The following KCNQ5 variants were observed in gnomAD, a reference collection of about 807,000 sequenced individuals.
KCNQ5 encodes potassium voltage-gated channel subfamily KQT member 5.
Under a neutral mutation model 98.2 loss-of-function variants are expected in KCNQ5, and 30 were observed. The observed-to-expected ratio is 0.31, with a 90% CI of 0.23 to 0.41. KCNQ5 has a LOEUF of 0.41. KCNQ5 is among the 10% of genes least tolerant of loss of function. KCNQ5 has a pLI of 1.00. For synonymous variants in KCNQ5, 458 were observed against 449.4 expected (o/e 1.02, Z -0.24); for missense variants, 835 against 1,182.5 (o/e 0.71, Z 4.31).
chr6:72,708,986 T>C (rs1326802611), intron 1 of KCNQ5, among the ~76,000 whole-genome samples: 3 of 152,140 alleles, frequency 2.0e-5, no homozygotes, highest in African/African-American at 7.2e-5. Context: ...AAATATGATA[T>C]ATATAGTTTT....
intron 1 of KCNQ5, among the ~76,000 whole-genome samples, chr6:72,736,522 C>T (rs1438674798): frequency 4.6e-5 from 3 of 64,618 alleles, no homozygotes; most frequent in East Asian, 7.9e-4. Context: ...TTTTTTGAGA[C>T]GGAGTCTCGC....
At position 73,195,067 on chromosome 6, in the gene KCNQ5, G is replaced by A. The variant is rs929521254; in HGVS notation, c.2452G>A (p.Val818Ile). The change falls in exon 14 of 14, where the codon GTC (valine) becomes ATC (isoleucine). Residue 818 changes from valine (V) to isoleucine (I), a missense_variant. This residue lies in a region of KCNQ5 where 416 missense variants were observed against 446.9 expected (regional missense o/e 0.93). Coordinates refer to ENST00000370398, the MANE Select transcript of KCNQ5 (RefSeq NM_019842.4). ...CATGGGAGGAGAAACTCTGTTGTCTGTCTGTCCCATGGTGCCGAAGGACTT... is the reference window on the plus strand; with the variant it reads ...CATGGGAGGAGAAACTCTGTTGTCTATCTGTCCCATGGTGCCGAAGGACTT... Reference protein sequence around the residue: ...FDMGGETLLSVCPMVPKDLGK... With the variant: ...FDMGGETLLSICPMVPKDLGK... 4 of 1,614,100 alleles carry A rather than the reference G, an allele frequency of 2.5e-6. No individual in the cohort carries two copies. The highest frequency in any genetic ancestry group is 3.4e-6 in the Non-Finnish European group (4 of 1,180,050).
At position 73,085,186 on chromosome 6, in the gene KCNQ5, T is replaced by A. The variant is rs1773932132; in HGVS notation, c.918+7299T>A. On this transcript the variant is annotated intron_variant, in intron 5 of 13. Transcript: ENST00000370398. The stretch of plus-strand genomic sequence containing the variant: ...GCCAGATCAAGCAGATGGGTCAGGG[T>A]GAATACCTGGAAAAAATTAACATCT... Among the ~76,000 whole-genome samples, 3 of 152,100 alleles carry A rather than the reference T, an allele frequency of 2.0e-5. No individual in the cohort carries two copies. The South Asian group carries it at 6.2e-4, about 32-fold the overall frequency.
At chr6:72,985,409 T>C (rs1315132545) in intron 1 of KCNQ5, among the ~76,000 whole-genome samples, 1 of 152,180 alleles carries the variant, frequency 6.6e-6, no homozygotes, top group Non-Finnish European at 1.5e-5. Context: ...GAAAACCAGA[T>C]AAACCACAAC....
At chr6:73,059,832 T>C (rs1772700631) in intron 3 of KCNQ5, among the ~76,000 whole-genome samples, 1 of 152,150 alleles carries the variant, frequency 6.6e-6, no homozygotes, top group African/African-American at 2.4e-5. Context: ...TATGTTTACA[T>C]AGATGAAGTA....
intron 1 of KCNQ5, among the ~76,000 whole-genome samples, chr6:72,917,146 T>A (rs1052584904): frequency 1.3e-5 from 2 of 151,946 alleles, no homozygotes; most frequent in Admixed American, 6.5e-5. Context: ...CAGGGAGGAG[T>A]TAGGGAGCAG....
intron 3 of KCNQ5, among the ~76,000 whole-genome samples, chr6:73,073,860 C>T (rs1201765784): frequency 2.0e-5 from 3 of 152,124 alleles, no homozygotes; most frequent in Non-Finnish European, 2.9e-5. Flanking sequence ...TTAAGCTACT[C>T]CCCCAATTTA....
At chr6:72,907,372 C>G (rs1779744379) in intron 1 of KCNQ5, among the ~76,000 whole-genome samples, 1 of 151,996 alleles carries the variant, frequency 6.6e-6, no homozygotes, top group Non-Finnish European at 1.5e-5. Flanking sequence ...TATAACTAAT[C>G]ATTTATATTT....
At chr6:73,145,361 A>C (rs1582440452) in intron 10 of KCNQ5, among the ~76,000 whole-genome samples, 1 of 152,220 alleles carries the variant, frequency 6.6e-6, no homozygotes, top group East Asian at 1.9e-4. Flanking sequence ...TCTAAGTTCA[A>C]AGCTTTTTAT....
At chr6:72,986,621 C>A in intron 1 of KCNQ5, 1 of 682,802 alleles carries the variant, frequency 1.5e-6, no homozygotes. Context: ...CACCACGCTG[C>A]GTGCCAGACG....
chr6:73,195,465 T>C lies in KCNQ5; in HGVS notation c.*51T>C, dbSNP rs1406508251. On this transcript the variant is annotated 3_prime_UTR_variant, in exon 14 of 14. Coordinates refer to ENST00000370398, the MANE Select transcript of KCNQ5 (RefSeq NM_019842.4). Reference sequence around the variant, plus strand: ...GCAGTTCTTTAGCCATACATATCATTGCATGAACTATTTCGAAAGCCCTTC... The same window carrying C: ...GCAGTTCTTTAGCCATACATATCATCGCATGAACTATTTCGAAAGCCCTTC... The C allele has an allele frequency of 6.4e-7, 1 of 1,558,662 alleles. No individual in the cohort carries two copies. The highest frequency in any genetic ancestry group is 1.4e-5 in the African/African-American group (1 of 72,932).
intron 1 of KCNQ5, among the ~76,000 whole-genome samples, chr6:72,789,736 G>A (rs1384862012): frequency 6.6e-6 from 1 of 152,148 alleles, no homozygotes; most frequent in East Asian, 1.9e-4. Context: ...CTTGTATTAG[G>A]TCACACAGCT....
intron 10 of KCNQ5, among the ~76,000 whole-genome samples, chr6:73,158,960 T>A (rs754158745): frequency 1.3e-5 from 2 of 152,268 alleles, no homozygotes; most frequent in African/African-American, 4.8e-5. Context: ...CTTATATAAC[T>A]ATTTTTCTAT....
intron 1 of KCNQ5, among the ~76,000 whole-genome samples, chr6:72,759,404 C>T (rs1772137175): frequency 6.6e-6 from 1 of 152,086 alleles, no homozygotes; most frequent in Non-Finnish European, 1.5e-5. Flanking sequence ...TCAGTGCAAG[C>T]TGATCTTGGC....
chr6:72,958,262 G>A (rs970552078), intron 1 of KCNQ5, among the ~76,000 whole-genome samples: 2 of 152,146 alleles, frequency 1.3e-5, no homozygotes, highest in Admixed American at 6.5e-5. Flanking sequence ...CCCATCCCAA[G>A]GTTACCAGTT....
At chr6:72,721,407 C>CT (rs940186948) in intron 1 of KCNQ5, among the ~76,000 whole-genome samples, 5 of 149,034 alleles carry the variant, frequency 3.4e-5, no homozygotes, top group Admixed American at 1.3e-4. Context: ...TTGATTTGCA[C>CT]TTTTTTTTTT....
At chr6:72,868,430 A>T (rs1214084750) in intron 1 of KCNQ5, among the ~76,000 whole-genome samples, 1 of 152,166 alleles carries the variant, frequency 6.6e-6, no homozygotes, top group Non-Finnish European at 1.5e-5. Context: ...TAGAAATTTC[A>T]TTCTAATCAT....
intron 1 of KCNQ5, among the ~76,000 whole-genome samples, chr6:72,724,532 C>T (rs1770159646): frequency 6.6e-6 from 1 of 152,110 alleles, no homozygotes; most frequent in East Asian, 1.9e-4. Context: ...GTAAGCTCCC[C>T]CTAGAAACTT....
intron 1 of KCNQ5, among the ~76,000 whole-genome samples, chr6:72,864,117 T>C (rs1244930331): frequency 1.3e-5 from 2 of 152,214 alleles, no homozygotes; most frequent in African/African-American, 2.4e-5. Context: ...TCTTAAGGTA[T>C]CAATTTTTTA....
Sources: allele counts gnomAD v4.1 joint callset (sites outside exome capture counted in the v4.1 genomes callset), GRCh38; gene constraint gnomAD v4.1.1; regional missense constraint gnomAD v4.1.1; transcripts MANE v1.5; gene names NCBI Gene and HGNC (gene_info 2026-07-23, HGNC 2026-07-21).